Variants in SLC39A10 observed in about 807,000 individuals in gnomAD.
SLC39A10 encodes solute carrier family 39 member 10.
A neutral mutation model predicts 65.1 loss-of-function variants in SLC39A10; 13 were observed. The ratio of observed to expected loss-of-function variants is 0.20; its 90% CI spans 0.13 to 0.32. SLC39A10 has a LOEUF of 0.32. SLC39A10 is among the 10% of genes least tolerant of loss of function. The pLI is 1.00. For missense variants in SLC39A10, 831 were observed against 1,018.4 expected, an observed-to-expected ratio of 0.82 and a Z score of 2.50; for synonymous variants, 321 against 342.2, an observed-to-expected ratio of 0.94 and a Z score of 0.68.
chr2:195,705,230 T>G (rs1466692678), intron 3 of SLC39A10, among the ~76,000 whole-genome samples: 1 of 152,228 alleles, frequency 6.6e-6, no homozygotes, highest in Non-Finnish European at 1.5e-5. Context: ...AGCCATTGAA[T>G]CCAAATCTAG....
chr2:195,693,015 C>T (rs928031566), intron 3 of SLC39A10, among the ~76,000 whole-genome samples: 1 of 152,062 alleles, frequency 6.6e-6, no homozygotes, highest in Admixed American at 6.5e-5. Flanking sequence ...AGCAAAATTG[C>T]TGAGGGTTTT....
chr2:195,640,372 A>C (rs949358354), intron 2 of SLC39A10, among the ~76,000 whole-genome samples: 1 of 151,844 alleles, frequency 6.6e-6, no homozygotes, highest in South Asian at 2.1e-4. Flanking sequence ...AAAATCCCAG[A>C]GTGATCAAAT....
intron 1 of SLC39A10, chr2:195,657,607 G>A (rs898814517): frequency 1.0e-6 from 1 of 985,324 alleles, no homozygotes; most frequent in African/African-American, 1.7e-5. Context: ...CCTTCCTGTG[G>A]AGGTTGGCGG....
At chr2:195,641,538 T>C (rs981956069) in intron 2 of SLC39A10, among the ~76,000 whole-genome samples, 1 of 152,200 alleles carries the variant, frequency 6.6e-6, no homozygotes, top group African/African-American at 2.4e-5. Context: ...GAAAAATTAT[T>C]AATGGGACTT....
upstream of SLC39A10, among the ~76,000 whole-genome samples, chr2:195,653,276 C>A (rs182486990): frequency 1.3e-4 from 19 of 148,856 alleles, no homozygotes; most frequent in Non-Finnish European, 1.9e-4. Context: ...AATGTTAATA[C>A]TGGTCATCTG....
intron 2 of SLC39A10, among the ~76,000 whole-genome samples, chr2:195,626,620 A>C (rs558441637): frequency 1.3e-5 from 2 of 152,334 alleles, no homozygotes; most frequent in African/African-American, 4.8e-5. Context: ...GACTTACATA[A>C]TTATGTAGAA....
chr2:195,683,743 C>G lies in SLC39A10; in HGVS notation c.1053C>G (p.Ala351=), dbSNP rs1435351575. Residue 351 remains alanine (A), a synonymous_variant, in exon 3 of 10, where the codon GCC becomes GCG. Coordinates refer to ENST00000359634, the MANE Select transcript of SLC39A10 (RefSeq NM_020342.3). ...TATTAAAATACTATGGTCATGGTGC[C>G]AACTCTCCCATCTCAACTGATTTAT... The part of the protein sequence containing the change: ...TQLLKYYGHG[A]NSPISTDLFT... 1.9e-6 allele frequency: 3 copies of G among 1,613,114 alleles called. No individual in the cohort carries two copies. Among genetic ancestry groups the G allele is most frequent in the Non-Finnish European group, 1.7e-6 (2 of 1,179,472 alleles).
At position 195,734,785 on chromosome 2, in the gene SLC39A10, A is replaced by ACTT. The variant is rs1377854229; in HGVS notation, c.2338-96_2338-94dup. Reference sequence around the variant, plus strand: ...AAATAATTATTTTGTCTGTAGTTACACTTCAGTCACTAATTTTCTTAAGTA... The same window carrying ACTT: ...AAATAATTATTTTGTCTGTAGTTACACTTCTTCAGTCACTAATTTTCTTAAGTA... On this transcript the variant is annotated intron_variant, in intron 9 of 9. Transcript: ENST00000359634. 3.4e-6 allele frequency: 4 copies of ACTT among 1,160,926 alleles called. No homozygotes were observed. The African/African-American group carries it at 6.3e-5, about 18-fold the overall frequency. The allele number at this position is 1,160,926 out of a possible 1,614,324, so 71.9% of individuals were successfully genotyped here.
At chr2:195,700,852 G>C (rs1170236195) in intron 3 of SLC39A10, among the ~76,000 whole-genome samples, 2 of 151,912 alleles carry the variant, frequency 1.3e-5, no homozygotes, top group Admixed American at 6.5e-5. Flanking sequence ...AGTCTCTCTT[G>C]GTCTTTCAAG....
intron 5 of SLC39A10, 64 bp downstream of exon 5, chr2:195,708,908 G>C: frequency 8.6e-7 from 1 of 1,164,588 alleles, no homozygotes. Flanking sequence ...ATCCTTTTCT[G>C]GGTATATGCT....
rs1689006061 is a variant in SLC39A10, at chr2:195,650,303, A to AT, written c.-11-29729_-11-29728insT. ...CCTCCAAAAAAAAAAAAAAAAGAAA[A>AT]GAAAAAAATTGGTTTAGGGTGAGAA... On this transcript the variant is annotated intron_variant, in intron 2 of 2. Transcript: ENST00000458054. Among the ~76,000 whole-genome samples the AT allele has an allele frequency of 4.6e-5, 4 of 87,012 alleles. 1 individual carries two copies. The highest frequency in any genetic ancestry group is 1.6e-4 in the African/African-American group (4 of 25,700). The allele number at this position is 87,012 out of a possible 152,430, so 57.1% of individuals were successfully genotyped here. A position where few individuals can be genotyped will look rare whatever the true frequency, so the allele number is the denominator to read the frequency against.
intron 2 of SLC39A10, among the ~76,000 whole-genome samples, chr2:195,627,139 G>A (rs1688489803): frequency 6.6e-6 from 1 of 152,058 alleles, no homozygotes; most frequent in Non-Finnish European, 1.5e-5. Flanking sequence ...ACCTAGATCT[G>A]GAGTTTTGAA....
intron 8 of SLC39A10, among the ~76,000 whole-genome samples, chr2:195,720,848 T>C (rs1340547292): frequency 6.6e-6 from 1 of 152,234 alleles, no homozygotes; most frequent in Non-Finnish European, 1.5e-5. Flanking sequence ...TGTTGTAGTA[T>C]ATCATTGCCA....
At chr2:195,632,108 G>A (rs999207748) in intron 2 of SLC39A10, among the ~76,000 whole-genome samples, 4 of 151,606 alleles carry the variant, frequency 2.6e-5, no homozygotes, top group Admixed American at 2.6e-4. Context: ...GCCCAGGCTG[G>A]TCTCAAACTC....
intron 2 of SLC39A10, among the ~76,000 whole-genome samples, chr2:195,632,085 G>T (rs895657960): frequency 1.3e-5 from 2 of 151,554 alleles, no homozygotes; most frequent in African/African-American, 4.9e-5. Context: ...TAAAGATGGG[G>T]TCTCACTATG....
At chr2:195,640,348 A>G (rs931145385) in intron 2 of SLC39A10, among the ~76,000 whole-genome samples, 1 of 152,048 alleles carries the variant, frequency 6.6e-6, no homozygotes, top group Admixed American at 6.6e-5. Context: ...AAGAAAAAAA[A>G]AAAAAAAACC....
chr2:195,673,821 T>G (rs1276409848), intron 1 of SLC39A10, among the ~76,000 whole-genome samples: 1 of 152,244 alleles, frequency 6.6e-6, no homozygotes, highest in African/African-American at 2.4e-5. Context: ...CACAGAAGAA[T>G]AATCAAGCAC....
chr2:195,658,397 CAT>C (rs897559082), intron 1 of SLC39A10: 19 of 152,164 alleles, frequency 1.2e-4, no homozygotes, highest in African/African-American at 3.9e-4. Flanking sequence ...ACACAAAACA[CAT>C]GTTAGAAAAA....
At chr2:195,682,681 A>G (rs10931706) in intron 2 of SLC39A10, among the ~76,000 whole-genome samples, 78,391 of 151,628 alleles carry the variant, frequency 0.52, 20,945 homozygotes, top group Non-Finnish European at 0.6. Context: ...TTTGTATCAC[A>G]TCCGTGAGGT....
Sources: gnomAD v4.1 joint callset for allele counts (sites outside exome capture counted in the v4.1 genomes callset) on GRCh38, gnomAD v4.1.1 for gene constraint, MANE v1.5 for transcripts, NCBI Gene and HGNC (gene_info 2026-07-23, HGNC 2026-07-21) for gene names.